Variants in TESK2 observed in about 807,000 individuals in gnomAD.
TESK2 encodes testis associated actin remodelling kinase 2, also known as dual specificity testis-specific protein kinase 2.
A neutral mutation model predicts 57.1 loss-of-function variants in TESK2; 39 were observed. That is an observed-to-expected ratio of 0.68 (90% CI 0.53 to 0.89). The LOEUF is 0.89. Ranked by LOEUF, TESK2 falls within the 40% of genes least tolerant of loss-of-function variation. The pLI, the probability that TESK2 is intolerant of heterozygous loss-of-function variation, is 0.00. For synonymous variants in TESK2, 249 were observed against 267.9 expected, an observed-to-expected ratio of 0.93 and a Z score of 0.69; for missense variants, 646 against 732.1, an observed-to-expected ratio of 0.88 and a Z score of 1.36.
chr1:45,463,148 G>A (rs547918677), intron 1 of TESK2, among the ~76,000 whole-genome samples: 1 of 152,206 alleles, frequency 6.6e-6, no homozygotes, highest in South Asian at 2.1e-4. Context: ...TTTGTCAGAC[G>A]GGTAGTTTGA....
intron 4 of TESK2, among the ~76,000 whole-genome samples, chr1:45,371,031 T>C (rs572263483): frequency 6.7e-6 from 1 of 150,302 alleles, no homozygotes; most frequent in South Asian, 2.1e-4. Flanking sequence ...GAAATGCAAA[T>C]CAAACCACAA....
intron 1 of TESK2, among the ~76,000 whole-genome samples, chr1:45,470,099 A>G (rs887492522): frequency 6.6e-5 from 10 of 152,206 alleles, no homozygotes; most frequent in Non-Finnish European, 1.0e-4. Flanking sequence ...AGATATAAAG[A>G]GTAGAAAAAG....
At chr1:45,460,666 G>A (rs970987713) in intron 1 of TESK2, among the ~76,000 whole-genome samples, 15 of 152,062 alleles carry the variant, frequency 9.9e-5, no homozygotes, top group Non-Finnish European at 1.8e-4. Flanking sequence ...CAATCTTCCT[G>A]CCTCAGCTAC....
chr1:45,349,091 T>C (rs899048059), intron 5 of TESK2, among the ~76,000 whole-genome samples: 2 of 151,338 alleles, frequency 1.3e-5, no homozygotes, highest in African/African-American at 4.9e-5. Context: ...GAAACACTTC[T>C]GGAGCCAGCA....
intron 2 of TESK2, among the ~76,000 whole-genome samples, chr1:45,445,205 C>T (rs1263346826): frequency 6.6e-6 from 1 of 152,056 alleles, no homozygotes; most frequent in African/African-American, 2.4e-5. Flanking sequence ...ATGATCTCAA[C>T]CTTGACCCAA....
chr1:45,422,063 C>A (rs919934126), intron 2 of TESK2, among the ~76,000 whole-genome samples: 5 of 152,114 alleles, frequency 3.3e-5, no homozygotes, highest in Admixed American at 1.3e-4. Context: ...AACACTGTTA[C>A]TAACATCTCA....
At chr1:45,487,536 C>T (rs1570784458) in intron 1 of TESK2, among the ~76,000 whole-genome samples, 1 of 152,194 alleles carries the variant, frequency 6.6e-6, no homozygotes, top group East Asian at 1.9e-4. Flanking sequence ...GACAGTTAAG[C>T]CAGTTTTTGT....
At chr1:45,345,632 T>C in intron 10 of TESK2, 74 bp from the exon 11 acceptor site, 1 of 1,384,438 alleles carries the variant, frequency 7.2e-7, no homozygotes, top group Non-Finnish European at 1.0e-6. Context: ...ACAGAATGTT[T>C]TCACTCATGA....
At chr1:45,406,947 C>T (rs930340902) in intron 3 of TESK2, among the ~76,000 whole-genome samples, 1 of 152,102 alleles carries the variant, frequency 6.6e-6, no homozygotes, top group Non-Finnish European at 1.5e-5. Context: ...CCATTTCTGA[C>T]CTTATCTACT....
intron 3 of TESK2, among the ~76,000 whole-genome samples, chr1:45,396,526 T>A (rs1192123167): frequency 6.6e-6 from 1 of 152,096 alleles, no homozygotes; most frequent in African/African-American, 2.4e-5. Flanking sequence ...TCTCACTCTG[T>A]TGCCCACGCT....
At chr1:45,409,065 T>C (rs1375724122) in intron 3 of TESK2, among the ~76,000 whole-genome samples, 1 of 152,194 alleles carries the variant, frequency 6.6e-6, no homozygotes, top group Non-Finnish European at 1.5e-5. Flanking sequence ...GTTTCTGTGA[T>C]GCAAACTGGC....
intron 4 of TESK2, among the ~76,000 whole-genome samples, chr1:45,373,797 A>G (rs2149270878): frequency 6.6e-6 from 1 of 152,338 alleles, no homozygotes; most frequent in South Asian, 2.1e-4. Context: ...TATCAGGCAC[A>G]GGGATGCAGA....
At chr1:45,430,133 A>T (rs919091494) in intron 2 of TESK2, among the ~76,000 whole-genome samples, 3 of 152,102 alleles carry the variant, frequency 2.0e-5, no homozygotes, top group Non-Finnish European at 4.4e-5. Flanking sequence ...ACTGCTGAAG[A>T]CCCTGAGACC....
intron 4 of TESK2, among the ~76,000 whole-genome samples, chr1:45,360,189 A>T (rs1375267439): frequency 6.6e-6 from 1 of 152,184 alleles, no homozygotes; most frequent in Non-Finnish European, 1.5e-5. Context: ...AATCTGCCCA[A>T]GATTCACATT....
chr1:45,454,988 T>G lies in TESK2; in HGVS notation c.222+2576A>C, dbSNP rs181667300. On this transcript the variant is annotated intron_variant, in intron 2 of 10. Transcript: ENST00000372086. The stretch of plus-strand genomic sequence containing the variant: ...AGTAGAAGATATTAGTGGGTGGGAG[T>G]GAAACTGCCCCCACAGGGTTCACAA... Among the ~76,000 whole-genome samples, 13 of 151,930 alleles carry G rather than the reference T, an allele frequency of 8.6e-5. No homozygotes were observed. In the South Asian group the frequency reaches 2.1e-3, roughly 24 times the overall value.
chr1:45,437,452 A>G (rs1651279492), intron 2 of TESK2, among the ~76,000 whole-genome samples: 1 of 152,112 alleles, frequency 6.6e-6, no homozygotes, highest in African/African-American at 2.4e-5. Flanking sequence ...ATTTTGGTGG[A>G]ATCTTTAGGT....
intron 4 of TESK2, among the ~76,000 whole-genome samples, chr1:45,361,323 G>C (rs1379495395): frequency 1.3e-5 from 2 of 152,086 alleles, no homozygotes. Flanking sequence ...CTACTCCCTC[G>C]GTCAGCCCTA....
chr1:45,426,505 C>A (rs562704644), intron 2 of TESK2, among the ~76,000 whole-genome samples: 6 of 152,076 alleles, frequency 3.9e-5, no homozygotes. Flanking sequence ...GAAACTACTA[C>A]AAGAAAACAT....
At chr1:45,357,896 C>T (rs1055477574) in intron 4 of TESK2, among the ~76,000 whole-genome samples, 1 of 150,150 alleles carries the variant, frequency 6.7e-6, no homozygotes, top group Non-Finnish European at 1.5e-5. Flanking sequence ...TCCCAGTACT[C>T]GAGAGGATGA....
Sources: gnomAD v4.1 joint callset for allele counts (sites outside exome capture counted in the v4.1 genomes callset) on GRCh38, gnomAD v4.1.1 for gene constraint, MANE v1.5 for transcripts, NCBI Gene and HGNC (gene_info 2026-07-23, HGNC 2026-07-21) for gene names.